Variants in PDS5B observed in about 807,000 individuals in gnomAD.
The protein encoded by PDS5B is sister chromatid cohesion protein PDS5 homolog B.
Under a neutral mutation model 184.1 loss-of-function variants are expected in PDS5B, and 51 were observed. The observed-to-expected ratio is 0.28, with a 90% CI of 0.22 to 0.35. PDS5B has a LOEUF of 0.35. Among genes scored for constraint, PDS5B ranks in the 10% least tolerant of loss-of-function variants. PDS5B has a pLI of 1.00. For missense variants in PDS5B, 1,180 were observed against 1,723.3 expected (o/e 0.68, Z 5.58); for synonymous variants, 566 against 569.2 (o/e 0.99, Z 0.08).
intron 1 of PDS5B, among the ~76,000 whole-genome samples, chr13:32,631,643 A>G (rs1240930896): frequency 6.6e-6 from 1 of 152,208 alleles, no homozygotes; most frequent in African/African-American, 2.4e-5. Context: ...CCAATGTTTT[A>G]GAGATCAAAG....
chr13:32,715,843 T>G (rs1247971670), intron 19 of PDS5B, among the ~76,000 whole-genome samples: 11 of 152,228 alleles, frequency 7.2e-5, no homozygotes, highest in Non-Finnish European at 8.8e-5. Flanking sequence ...ATTTTTTTGG[T>G]GGAGACGGGG....
chr13:32,735,409 G>C, intron 21 of PDS5B, 79 bp downstream of exon 21: 1 of 973,596 alleles, frequency 1.0e-6, no homozygotes, highest in East Asian at 2.7e-5. Context: ...GAAGTGAAAT[G>C]ATATCAATAA....
At chr13:32,642,218 A>G (rs747778284) in intron 1 of PDS5B, among the ~76,000 whole-genome samples, 1 of 152,154 alleles carries the variant, frequency 6.6e-6, no homozygotes, top group Non-Finnish European at 1.5e-5. Flanking sequence ...TGCTGTAACC[A>G]TAATTTCTTC....
chr13:32,609,759 C>T (rs1297540437), intron 1 of PDS5B, among the ~76,000 whole-genome samples: 2 of 152,082 alleles, frequency 1.3e-5, no homozygotes, highest in African/African-American at 4.8e-5. Flanking sequence ...TTTTGTTGGT[C>T]ATGAAGAGTC....
chr13:32,620,400 G>A (rs1317608377), intron 1 of PDS5B, among the ~76,000 whole-genome samples: 1 of 152,098 alleles, frequency 6.6e-6, no homozygotes, highest in Non-Finnish European at 1.5e-5. Flanking sequence ...GCTCACGCCT[G>A]TAATCCCAGC....
intron 1 of PDS5B, among the ~76,000 whole-genome samples, chr13:32,622,441 C>T (rs1326667648): frequency 6.6e-6 from 1 of 152,034 alleles, no homozygotes; most frequent in Non-Finnish European, 1.5e-5. Flanking sequence ...TTTGTTGAGA[C>T]ATGGGTTAAG....
At chr13:32,613,353 C>T (rs2058170545) in intron 1 of PDS5B, among the ~76,000 whole-genome samples, 1 of 152,200 alleles carries the variant, frequency 6.6e-6, no homozygotes, top group Non-Finnish European at 1.5e-5. Context: ...TACATTCCCT[C>T]CAGCAGTGCA....
chr13:32,668,312 A>G (rs1471626323), intron 7 of PDS5B, among the ~76,000 whole-genome samples: 5 of 152,194 alleles, frequency 3.3e-5, no homozygotes, highest in African/African-American at 4.8e-5. Flanking sequence ...TTGCTTATCT[A>G]TTGCTATTCC....
At chr13:32,727,210 T>C (rs1237199994) in intron 19 of PDS5B, among the ~76,000 whole-genome samples, 1 of 152,194 alleles carries the variant, frequency 6.6e-6, no homozygotes, top group African/African-American at 2.4e-5. Context: ...AAAATTATAC[T>C]AATGTGTAAA....
At chr13:32,773,128 A>C (rs1954845085) in intron 33 of PDS5B, 61 bp from the exon 34 acceptor site, 1 of 1,408,816 alleles carries the variant, frequency 7.1e-7, no homozygotes, top group Non-Finnish European at 9.6e-7. Flanking sequence ...CATTTCTTCT[A>C]ACGAGGTAAT....
At chr13:32,738,958 C>G (rs571667648) in intron 21 of PDS5B, among the ~76,000 whole-genome samples, 1 of 152,274 alleles carries the variant, frequency 6.6e-6, no homozygotes, top group Admixed American at 6.5e-5. Context: ...AGGCATGAGC[C>G]ACCACGCGCC....
intron 1 of PDS5B, among the ~76,000 whole-genome samples, chr13:32,593,081 G>T (rs2057800827): frequency 6.6e-6 from 1 of 152,146 alleles, no homozygotes; most frequent in Non-Finnish European, 1.5e-5. Flanking sequence ...TTTGTCTTCT[G>T]TGAAAAACGC....
intron 1 of PDS5B, among the ~76,000 whole-genome samples, chr13:32,599,033 G>C (rs1246204252): frequency 6.6e-6 from 1 of 152,132 alleles, no homozygotes; most frequent in African/African-American, 2.4e-5. Context: ...GCTTCCCAAA[G>C]TGCTGGGATT....
chr13:32,641,808 C>CT lies in PDS5B; in HGVS notation c.-19-6939dup, dbSNP rs79642663. The stretch of plus-strand genomic sequence containing the variant: ...TCTAAAAATATTTTCTCATTTTACA[C>CT]TTTTTTTCTAGAACTTTAGATGTAT... On this transcript the variant is annotated intron_variant, in intron 1 of 34. Coordinates refer to ENST00000315596, the MANE Select transcript of PDS5B (RefSeq NM_015032.4). Among the ~76,000 whole-genome samples, 273 of 152,266 alleles carry CT rather than the reference C, an allele frequency of 1.8e-3. 6 individuals carry two copies. The East Asian group carries it at 0.045, about 25-fold the overall frequency.
At chr13:32,597,743 A>C (rs1261362697) in intron 1 of PDS5B, among the ~76,000 whole-genome samples, 2 of 151,718 alleles carry the variant, frequency 1.3e-5, no homozygotes, top group Non-Finnish European at 2.9e-5. Context: ...GCTACTCAGG[A>C]GGCTGAGGCA....
intron 1 of PDS5B, among the ~76,000 whole-genome samples, chr13:32,631,114 C>CTTTTTTTTTTTTTTTT (rs766844209): frequency 8.1e-6 from 1 of 123,746 alleles, no homozygotes. Context: ...TTCTTTTTTT[C>CTTTTTTTTTTTTTTTT]TTTCTTTTTT....
intron 28 of PDS5B, among the ~76,000 whole-genome samples, chr13:32,758,860 C>T (rs1403450291): frequency 6.6e-6 from 1 of 152,140 alleles, no homozygotes; most frequent in Non-Finnish European, 1.5e-5. Context: ...AGTTTTAAGA[C>T]AGTCTTAGAG....
intron 19 of PDS5B, among the ~76,000 whole-genome samples, chr13:32,729,993 G>T (rs1416038321): frequency 6.6e-6 from 1 of 152,068 alleles, no homozygotes; most frequent in Non-Finnish European, 1.5e-5. Flanking sequence ...CATTGCTTTT[G>T]GTGTTTTAGT....
intron 1 of PDS5B, among the ~76,000 whole-genome samples, chr13:32,595,367 C>T (rs1197200877): frequency 6.6e-6 from 1 of 151,760 alleles, no homozygotes; most frequent in Non-Finnish European, 1.5e-5. Flanking sequence ...AGTAAGACGG[C>T]AAAAAGGAAA....
Sources: allele counts gnomAD v4.1 joint callset (sites outside exome capture counted in the v4.1 genomes callset), GRCh38; gene constraint gnomAD v4.1.1; transcripts MANE v1.5; gene names NCBI Gene and HGNC (gene_info 2026-07-23, HGNC 2026-07-21).